The following ANXA2 variants were observed in gnomAD, a reference collection of about 807,000 sequenced individuals.
The protein encoded by ANXA2 is annexin II.
In ANXA2, 28 loss-of-function variants were observed where a neutral mutation model predicts 47.3. The ratio of observed to expected loss-of-function variants is 0.59; its 90% CI spans 0.44 to 0.81. The LOEUF is 0.81. Ranked by LOEUF, ANXA2 falls within the 40% of genes least tolerant of loss-of-function variation. The probability of loss-of-function intolerance (pLI) is 0.00; values close to 1 mark genes in which losing one functional copy is unlikely to be tolerated. For missense variants in ANXA2, 384 were observed against 414.3 expected, an observed-to-expected ratio of 0.93 and a Z score of 0.64; for synonymous variants, 172 against 155.5, an observed-to-expected ratio of 1.11 and a Z score of -0.79.
At position 60,357,121 on chromosome 15, in the gene ANXA2, G is replaced by C. The variant is rs749345913; in HGVS notation, c.448+25C>G. 38 of 1,606,028 alleles carry C rather than the reference G, an allele frequency of 2.4e-5. No individual in the cohort carries two copies. In the Middle Eastern group the frequency reaches 1.1e-3, roughly 48 times the overall value. On this transcript the variant is annotated intron_variant, in intron 6 of 12. Transcript: ENST00000451270. ...GTCACATAAATTGGGCTGAGAGGAT[G>C]AATCACAGAAATCAAGCTACTCACT...
chr15:60,352,620 C>T lies in ANXA2; in HGVS notation c.589-144G>A, dbSNP rs989974242. On this transcript the variant is annotated intron_variant, in intron 8 of 12. Coordinates refer to ENST00000451270, the MANE Select transcript of ANXA2 (RefSeq NM_004039.3). The surrounding 1 kb of genome is among the most constrained non-coding windows in gnomAD (Gnocchi z 4.2). ...TTATACTGCAGACATGGGCAGAGAC[C>T]TACTATTTAGGTCAAAAGTCTTAAT... The T allele has an allele frequency of 1.5e-6, 1 of 653,992 alleles. No individual in the cohort carries two copies. Among genetic ancestry groups the T allele is most frequent in the Non-Finnish European group, 2.7e-6 (1 of 368,274 alleles). The allele number at this position is 653,992 out of a possible 1,614,324, so 40.5% of individuals were successfully genotyped here.
At chr15:60,350,693 G>C (rs1895969290) in intron 11 of ANXA2, among the ~76,000 whole-genome samples, 1 of 152,156 alleles carries the variant, frequency 6.6e-6, no homozygotes, top group Non-Finnish European at 1.5e-5. Context: ...GGGTCTGATA[G>C]ACCCAGGTTC....
At position 60,351,599 on chromosome 15, in the gene ANXA2, T is replaced by C. The variant is rs1595660975; in HGVS notation, c.778+125A>G. 5.6e-6 allele frequency: 4 copies of C among 715,938 alleles called. No homozygotes were observed. The South Asian group carries it at 6.9e-5, about 12-fold the overall frequency. The allele number at this position is 715,938 out of a possible 1,614,324, so 44.3% of individuals were successfully genotyped here. Reference sequence around the variant, plus strand: ...TCTGAAATCTATACAATTAAGACTGTAAAACTATCCAAAGCATGCATAGAA... The same window carrying C: ...TCTGAAATCTATACAATTAAGACTGCAAAACTATCCAAAGCATGCATAGAA... On this transcript the variant is annotated intron_variant, in intron 10 of 12. Coordinates refer to ENST00000451270, the MANE Select transcript of ANXA2 (RefSeq NM_004039.3).
chr15:60,366,608 G>A (rs1483143326), intron 3 of ANXA2, among the ~76,000 whole-genome samples: 8 of 148,148 alleles, frequency 5.4e-5, no homozygotes, highest in Admixed American at 1.3e-4. Flanking sequence ...CCCTCCGTCC[G>A]GCAACCACCC....
intron 1 of ANXA2, chr15:60,392,942 TAAAAAAAAAAA>T (rs60755565): frequency 1.1e-6 from 1 of 926,676 alleles, no homozygotes. Flanking sequence ...AATTTTAAAC[TAAAAAAAAAAA>T]AAAAAAAAAA....
intron 1 of ANXA2, chr15:60,397,732 G>A: frequency 4.8e-6 from 2 of 413,266 alleles, no homozygotes; most frequent in African/African-American, 2.5e-5. Flanking sequence ...CCCGAGGGCC[G>A]GTGGCCCCTC....
chr15:60,380,665 A>G (rs1023713261), intron 3 of ANXA2, among the ~76,000 whole-genome samples: 6 of 151,660 alleles, frequency 4.0e-5, no homozygotes, highest in African/African-American at 1.2e-4. Context: ...TTAGCTGGGC[A>G]TGGTGGTGTG....
chr15:60,370,688 C>T (rs191452918), intron 3 of ANXA2, among the ~76,000 whole-genome samples: 1 of 152,260 alleles, frequency 6.6e-6, no homozygotes, highest in East Asian at 1.9e-4. Context: ...TGCCAGGACA[C>T]CAGAAAAGCT....
At chr15:60,365,603 C>G (rs2062584002) in intron 3 of ANXA2, among the ~76,000 whole-genome samples, 2 of 152,136 alleles carry the variant, frequency 1.3e-5, no homozygotes, top group African/African-American at 4.8e-5. Flanking sequence ...CAAAGACAAA[C>G]AGCAGATTGA....
chr15:60,351,897 C>T, intron 9 of ANXA2, 78 bp from the exon 10 acceptor site: 2 of 1,005,308 alleles, frequency 2.0e-6, no homozygotes. Flanking sequence ...TAGTTTTATG[C>T]ACCATAATTT....
chr15:60,389,876 CA>C (rs1006354647), intron 1 of ANXA2, among the ~76,000 whole-genome samples: 9 of 152,234 alleles, frequency 5.9e-5, no homozygotes, highest in Admixed American at 5.2e-4. Context: ...CCCTACTCTA[CA>C]GAACTCTATC....
At chr15:60,397,608 G>T (rs1224178898) in intron 1 of ANXA2, among the ~76,000 whole-genome samples, 1 of 152,186 alleles carries the variant, frequency 6.6e-6, no homozygotes, top group Non-Finnish European at 1.5e-5. Flanking sequence ...CGCCTGGCGC[G>T]TCTGGAATGC....
At chr15:60,386,908 A>C (rs1470744851) in intron 1 of ANXA2, 1 of 152,206 alleles carries the variant, frequency 6.6e-6, no homozygotes, top group Non-Finnish European at 1.5e-5. Context: ...CCAAGAATAA[A>C]GAAAACAGAG....
chr15:60,377,421 G>A (rs2062795902), intron 3 of ANXA2, among the ~76,000 whole-genome samples: 1 of 152,120 alleles, frequency 6.6e-6, no homozygotes, highest in Non-Finnish European at 1.5e-5. Flanking sequence ...GCCCAAGAAA[G>A]GAAAAGGAGC....
At chr15:60,381,923 TC>T (rs2062865486) in intron 3 of ANXA2, among the ~76,000 whole-genome samples, 1 of 151,188 alleles carries the variant, frequency 6.6e-6, no homozygotes, top group Admixed American at 6.6e-5. Context: ...CAGATCCGGC[TC>T]CCAGACTGAT....
intron 3 of ANXA2, among the ~76,000 whole-genome samples, chr15:60,368,308 TAAAAAA>T (rs147990822): frequency 3.9e-4 from 52 of 134,982 alleles, no homozygotes; most frequent in Middle Eastern, 3.6e-3. Context: ...GAATGATCAA[TAAAAAA>T]AAAAAATAAA....
chr15:60,389,308 C>A (rs1482425847), intron 1 of ANXA2, among the ~76,000 whole-genome samples: 1 of 152,178 alleles, frequency 6.6e-6, no homozygotes, highest in Non-Finnish European at 1.5e-5. Context: ...AGATTAAATT[C>A]CACTTGTTTA....
chr15:60,348,853 C>G (rs965013424), intron 12 of ANXA2, among the ~76,000 whole-genome samples: 6 of 152,142 alleles, frequency 3.9e-5, no homozygotes, highest in Non-Finnish European at 8.8e-5. Flanking sequence ...TGTAGAGTAA[C>G]AGATGTGAAA....
At chr15:60,378,044 G>A (rs2062805565) in intron 3 of ANXA2, among the ~76,000 whole-genome samples, 1 of 152,134 alleles carries the variant, frequency 6.6e-6, no homozygotes, top group Admixed American at 6.5e-5. Flanking sequence ...AGAGGTTGCA[G>A]TGAGTCAAGA....
Sources: allele counts gnomAD v4.1 joint callset (sites outside exome capture counted in the v4.1 genomes callset), GRCh38; gene constraint gnomAD v4.1.1; non-coding constraint Gnocchi (gnomAD v3.1); transcripts MANE v1.5; gene names NCBI Gene and HGNC (gene_info 2026-07-23, HGNC 2026-07-21).